KLF12: variants seen among roughly 807,000 people sequenced by gnomAD.
KLF12 encodes KLF transcription factor 12.
A neutral mutation model predicts 37.8 loss-of-function variants in KLF12; 9 were observed. The ratio of observed to expected loss-of-function variants is 0.24; its 90% CI spans 0.14 to 0.42. The LOEUF (loss-of-function observed/expected upper bound fraction) is 0.42. Among genes scored for constraint, KLF12 ranks in the 10% least tolerant of loss-of-function variants. KLF12 has a pLI of 1.00. For synonymous variants in KLF12, 208 were observed against 202.1 expected, an observed-to-expected ratio of 1.03 and a Z score of -0.25; for missense variants, 411 against 516.0, an observed-to-expected ratio of 0.80 and a Z score of 1.97.
At chr13:74,305,807 CAG>C in the KLF12 span, among the ~76,000 whole-genome samples, 1 of 151,992 alleles carries the variant, frequency 6.6e-6, no homozygotes, top group Non-Finnish European at 1.5e-5. Flanking sequence ...ACACTAATAA[CAG>C]AGGAAAATTG....
At position 74,133,900 on chromosome 13, in the gene KLF12, G is replaced by A. The variant is rs374844203; in HGVS notation, c.-193C>T. Among the ~76,000 whole-genome samples the A allele has an allele frequency of 6.6e-6, 1 of 152,074 alleles. No homozygotes were observed. Among genetic ancestry groups the A allele is most frequent in the Non-Finnish European group, 1.5e-5 (1 of 68,018 alleles). On this transcript the variant is annotated 5_prime_UTR_variant, in exon 1 of 8. Coordinates refer to ENST00000377669, the MANE Select transcript of KLF12 (RefSeq NM_007249.5). ...GCACACGCACACGCAGAGCCTCTCAGCGGCTCTCTGCAGTTCTCAGGAAAT... is the reference window on the plus strand; with the variant it reads ...GCACACGCACACGCAGAGCCTCTCAACGGCTCTCTGCAGTTCTCAGGAAAT...
intron 6 of KLF12, among the ~76,000 whole-genome samples, chr13:73,756,874 C>T (rs1879201933): frequency 6.6e-6 from 1 of 152,106 alleles, no homozygotes; most frequent in Non-Finnish European, 1.5e-5. Context: ...AATCTTGCTC[C>T]CTGGACCCTG....
chr13:74,069,604 A>G (rs990339257), intron 1 of KLF12, among the ~76,000 whole-genome samples: 4 of 152,226 alleles, frequency 2.6e-5, no homozygotes, highest in Non-Finnish European at 4.4e-5. Context: ...ATGGGGAATC[A>G]TATATTTTAA....
At chr13:73,933,685 CA>C (rs377591831) in intron 3 of KLF12, among the ~76,000 whole-genome samples, 7 of 152,294 alleles carry the variant, frequency 4.6e-5, no homozygotes, top group African/African-American at 1.7e-4. Flanking sequence ...GCTGCTATAA[CA>C]AACAGATTTC....
chr13:74,095,386 T>C (rs1875918285), intron 1 of KLF12, among the ~76,000 whole-genome samples: 1 of 113,284 alleles, frequency 8.8e-6, no homozygotes, highest in African/African-American at 3.1e-5. Flanking sequence ...GCCTTTTTTA[T>C]CGTATTTTTT....
At chr13:74,194,725 A>G in the KLF12 span, among the ~76,000 whole-genome samples, 1 of 152,224 alleles carries the variant, frequency 6.6e-6, no homozygotes, top group African/African-American at 2.4e-5. Flanking sequence ...TTTCATGTTT[A>G]AAGATGCTTA....
chr13:74,216,356 A>G, the KLF12 span, among the ~76,000 whole-genome samples: 1 of 152,168 alleles, frequency 6.6e-6, no homozygotes, highest in Admixed American at 6.6e-5. Context: ...CAAGTGTTTC[A>G]TTGGCCACAG....
the KLF12 span, among the ~76,000 whole-genome samples, chr13:74,260,546 A>G: frequency 7.0e-6 from 1 of 143,356 alleles, no homozygotes; most frequent in Non-Finnish European, 1.5e-5. Flanking sequence ...AGAGTGAAAC[A>G]CTGTTTCTAA....
chr13:73,954,359 A>C (rs569336268), intron 2 of KLF12, among the ~76,000 whole-genome samples: 1 of 152,250 alleles, frequency 6.6e-6, no homozygotes, highest in South Asian at 2.1e-4. Context: ...CTTTGTGCTT[A>C]TATGTAATTT....
intron 3 of KLF12, among the ~76,000 whole-genome samples, chr13:73,862,594 AGAC>A (rs1437498279): frequency 1.3e-5 from 2 of 151,322 alleles, no homozygotes; most frequent in African/African-American, 4.8e-5. Context: ...TGCAATTTTA[AGAC>A]GACTATGTTT....
the KLF12 span, among the ~76,000 whole-genome samples, chr13:74,139,654 A>AT: frequency 6.6e-6 from 1 of 152,088 alleles, no homozygotes; most frequent in African/African-American, 2.4e-5. Context: ...ATTCCTCTTC[A>AT]TTTTTTATTA....
chr13:73,716,927 T>C (rs1482614967), intron 6 of KLF12, among the ~76,000 whole-genome samples: 1 of 152,222 alleles, frequency 6.6e-6, no homozygotes, highest in Non-Finnish European at 1.5e-5. Flanking sequence ...ACAGTTTTAC[T>C]GGCATAACTT....
At chr13:73,912,817 T>A (rs1445425820) in intron 3 of KLF12, among the ~76,000 whole-genome samples, 1 of 152,186 alleles carries the variant, frequency 6.6e-6, no homozygotes, top group Non-Finnish European at 1.5e-5. Context: ...TGGCTTTTTA[T>A]CTCTTTTCAG....
At chr13:74,257,309 C>T in the KLF12 span, 1 of 152,338 alleles carries the variant, frequency 6.6e-6, no homozygotes, top group Non-Finnish European at 1.5e-5. Flanking sequence ...TTCCATGGCA[C>T]AGGAGCAGAT....
intron 3 of KLF12, among the ~76,000 whole-genome samples, chr13:73,848,545 C>CTATATAT (rs1181542479): frequency 1.4e-5 from 2 of 147,580 alleles, no homozygotes; most frequent in East Asian, 3.9e-4. Flanking sequence ...ATAATATTAG[C>CTATATAT]TATATATTAT....
chr13:74,263,782 G>C, the KLF12 span, among the ~76,000 whole-genome samples: 6 of 152,114 alleles, frequency 3.9e-5, no homozygotes, highest in Non-Finnish European at 7.3e-5. Context: ...CACCACCTCA[G>C]GTCTGGTCAT....
chr13:73,887,297 C>T (rs183803245), intron 3 of KLF12, among the ~76,000 whole-genome samples: 1 of 152,166 alleles, frequency 6.6e-6, no homozygotes, highest in East Asian at 1.9e-4. Flanking sequence ...TTTGTCCTGC[C>T]CAAATCTCAT....
chr13:74,169,222 A>G, the KLF12 span, among the ~76,000 whole-genome samples: 2 of 152,254 alleles, frequency 1.3e-5, no homozygotes, highest in Non-Finnish European at 2.9e-5. Flanking sequence ...AATATTTAGA[A>G]TATGCAATTT....
intron 3 of KLF12, among the ~76,000 whole-genome samples, chr13:73,876,527 CAT>C (rs1301209464): frequency 6.6e-6 from 1 of 152,170 alleles, no homozygotes; most frequent in Non-Finnish European, 1.5e-5. Context: ...TTATGCAAAA[CAT>C]GTACTCTAGG....
Sources: gnomAD v4.1 joint callset for allele counts (sites outside exome capture counted in the v4.1 genomes callset) on GRCh38, gnomAD v4.1.1 for gene constraint, MANE v1.5 for transcripts, NCBI Gene and HGNC (gene_info 2026-07-23, HGNC 2026-07-21) for gene names.